GNA14: variants seen among roughly 807,000 people sequenced by gnomAD.
The protein encoded by GNA14 is guanine nucleotide-binding protein subunit alpha-14.
GNA14 carries 50 observed loss-of-function variants against 42.0 expected under a neutral mutation model. The ratio of observed to expected loss-of-function variants is 1.19; its 90% CI spans 0.95 to 1.51. The LOEUF (loss-of-function observed/expected upper bound fraction) is 1.51, where lower values mean the gene tolerates loss of function less well. Among genes scored for constraint, GNA14 ranks in the 40% most tolerant of loss-of-function variants. The pLI is 0.00. For synonymous variants in GNA14, 173 were observed against 163.1 expected (o/e 1.06, Z -0.46); for missense variants, 473 against 446.2 (o/e 1.06, Z -0.54).
chr9:77,500,619 T>C (rs371496832), intron 2 of GNA14, among the ~76,000 whole-genome samples: 1 of 152,150 alleles, frequency 6.6e-6, no homozygotes, highest in East Asian at 1.9e-4. Context: ...CCCCACTGAG[T>C]CCTTAACTCC....
intron 2 of GNA14, among the ~76,000 whole-genome samples, chr9:77,435,489 C>G (rs536612547): frequency 3.3e-5 from 5 of 152,164 alleles, no homozygotes; most frequent in African/African-American, 1.2e-4. Flanking sequence ...ACTGATACAA[C>G]TCTTTCCCAC....
intron 1 of GNA14, among the ~76,000 whole-genome samples, chr9:77,599,045 T>G (rs1054850750): frequency 6.6e-6 from 1 of 152,164 alleles, no homozygotes; most frequent in Non-Finnish European, 1.5e-5. Flanking sequence ...TTAAGCAATG[T>G]AAGAAATATG....
intron 1 of GNA14, among the ~76,000 whole-genome samples, chr9:77,549,686 G>A (rs954731651): frequency 4.6e-5 from 7 of 152,108 alleles, no homozygotes; most frequent in African/African-American, 1.2e-4. Flanking sequence ...GTCCTACAAT[G>A]GCTCTCCTAT....
At chr9:77,465,460 T>C (rs954104314) in intron 2 of GNA14, among the ~76,000 whole-genome samples, 17 of 152,230 alleles carry the variant, frequency 1.1e-4, no homozygotes, top group African/African-American at 3.4e-4. Context: ...CTATGAGCAT[T>C]CATATACAAG....
intron 2 of GNA14, among the ~76,000 whole-genome samples, chr9:77,452,038 C>A (rs936166665): frequency 1.3e-5 from 2 of 152,130 alleles, no homozygotes. Flanking sequence ...GGTCTCACAC[C>A]GCATCCCAGG....
intron 1 of GNA14, among the ~76,000 whole-genome samples, chr9:77,583,078 A>G (rs1823251421): frequency 6.6e-6 from 1 of 152,252 alleles, no homozygotes; most frequent in Non-Finnish European, 1.5e-5. Context: ...GACACTTCCC[A>G]GCAGCACTCA....
At chr9:77,427,842 C>G (rs1415869742) in intron 5 of GNA14, among the ~76,000 whole-genome samples, 1 of 152,192 alleles carries the variant, frequency 6.6e-6, no homozygotes, top group Non-Finnish European at 1.5e-5. Context: ...CCCAGAACAG[C>G]TCCAAGCATC....
intron 1 of GNA14, among the ~76,000 whole-genome samples, chr9:77,622,009 T>A (rs1823931661): frequency 1.3e-5 from 2 of 152,200 alleles, no homozygotes; most frequent in South Asian, 4.1e-4. Flanking sequence ...CACCGCAATC[T>A]TGAATCCCTT....
chr9:77,618,620 ATTTTTTTTTTTTTT>A (rs1163590134), intron 1 of GNA14, among the ~76,000 whole-genome samples: 1 of 10,422 alleles, frequency 9.6e-5, no homozygotes. Context: ...ATATATATAT[ATTTTTTTTTTTTTT>A]TTTTTTTTTT....
intron 2 of GNA14, among the ~76,000 whole-genome samples, chr9:77,468,509 G>T (rs1015551901): frequency 1.2e-4 from 19 of 152,150 alleles, no homozygotes; most frequent in African/African-American, 3.6e-4. Flanking sequence ...CCCTTGTGTT[G>T]TGTTTGCTAT....
chr9:77,585,434 A>G lies in GNA14; in HGVS notation c.125-56181T>C, dbSNP rs555709079. 4.6e-5 allele frequency among the ~76,000 whole-genome samples: 7 copies of G among 152,318 alleles called. No homozygotes were observed. The East Asian group carries it at 1.3e-3, about 29-fold the overall frequency. ...CAGGAAGAGAAGGATGACTCACTAT[A>G]GTCTCTTATCAATGAAGAAGGCACA... On this transcript the variant is annotated intron_variant, in intron 1 of 6. Coordinates refer to ENST00000341700, the MANE Select transcript of GNA14 (RefSeq NM_004297.4).
At chr9:77,599,260 C>T (rs918085226) in intron 1 of GNA14, among the ~76,000 whole-genome samples, 2 of 152,186 alleles carry the variant, frequency 1.3e-5, no homozygotes, top group Non-Finnish European at 2.9e-5. Context: ...GGAACAAGCA[C>T]TGCTATTAAC....
intron 1 of GNA14, among the ~76,000 whole-genome samples, chr9:77,636,903 T>C (rs2118021476): frequency 6.6e-6 from 1 of 152,322 alleles, no homozygotes; most frequent in African/African-American, 2.4e-5. Flanking sequence ...AGAAGACTGA[T>C]ATATGATGGC....
intron 1 of GNA14, among the ~76,000 whole-genome samples, chr9:77,571,496 T>G (rs1382728846): frequency 1.3e-5 from 2 of 152,184 alleles, no homozygotes; most frequent in Non-Finnish European, 2.9e-5. Flanking sequence ...CTAGTTTGGT[T>G]TGGGAAGTAC....
At chr9:77,487,544 T>A (rs1483608616) in intron 2 of GNA14, among the ~76,000 whole-genome samples, 9 of 152,148 alleles carry the variant, frequency 5.9e-5, no homozygotes, top group Non-Finnish European at 1.3e-4. Flanking sequence ...TTATAAATGA[T>A]AAAGCTAAAT....
intron 1 of GNA14, among the ~76,000 whole-genome samples, chr9:77,548,519 A>T (rs915448564): frequency 3.3e-5 from 5 of 152,188 alleles, no homozygotes; most frequent in Non-Finnish European, 7.4e-5. Flanking sequence ...CAACACTCTT[A>T]AATTGGACAT....
chr9:77,462,745 A>C (rs2131713540), intron 2 of GNA14, among the ~76,000 whole-genome samples: 1 of 145,138 alleles, frequency 6.9e-6, no homozygotes. Context: ...GGGGGTGGGA[A>C]AAGGAATGAC....
chr9:77,507,805 T>C (rs1480121332), intron 2 of GNA14, among the ~76,000 whole-genome samples: 1 of 152,058 alleles, frequency 6.6e-6, no homozygotes, highest in East Asian at 1.9e-4. Context: ...CTCCACCTCC[T>C]AAGCAATTCT....
chr9:77,612,325 C>T (rs1243673463), intron 1 of GNA14, among the ~76,000 whole-genome samples: 6 of 152,094 alleles, frequency 3.9e-5, no homozygotes, highest in Admixed American at 3.9e-4. Flanking sequence ...ACAAGGTAGC[C>T]AAGGTGCCAC....
Sources: allele counts gnomAD v4.1 joint callset (sites outside exome capture counted in the v4.1 genomes callset), GRCh38; gene constraint gnomAD v4.1.1; transcripts MANE v1.5; gene names NCBI Gene and HGNC (gene_info 2026-07-23, HGNC 2026-07-21).